The following NXPE2 variants were observed in gnomAD, a reference collection of about 807,000 sequenced individuals.
NXPE2 encodes the protein NXPE family member 2.
NXPE2 carries 34 observed loss-of-function variants against 34.4 expected under a neutral mutation model. The observed-to-expected ratio is 0.99, with a 90% CI of 0.75 to 1.31. The LOEUF (loss-of-function observed/expected upper bound fraction) is 1.31, where lower values mean the gene tolerates loss of function less well. Among genes scored for constraint, NXPE2 ranks in the 40% most tolerant of loss-of-function variants. NXPE2 has a pLI of 0.00. For synonymous variants in NXPE2, 235 were observed against 231.3 expected (o/e 1.02, Z -0.15); for missense variants, 649 against 672.5 (o/e 0.97, Z 0.39).
the NXPE2 span, among the ~76,000 whole-genome samples, chr11:114,636,352 C>G: frequency 2.0e-5 from 3 of 151,950 alleles, no homozygotes; most frequent in Admixed American, 1.3e-4. Flanking sequence ...ATTCTTCTCT[C>G]TTTTTTTCTT....
chr11:114,793,935 T>C, the NXPE2 span, among the ~76,000 whole-genome samples: 1 of 152,156 alleles, frequency 6.6e-6, no homozygotes, highest in Admixed American at 6.5e-5. Context: ...CAGAATCGGT[T>C]TCTTTGGCTT....
At chr11:114,774,499 G>A in the NXPE2 span, among the ~76,000 whole-genome samples, 3 of 152,326 alleles carry the variant, frequency 2.0e-5, no homozygotes, top group Admixed American at 6.5e-5. Flanking sequence ...TTGGTTATCC[G>A]CCGGGACGGT....
the NXPE2 span, among the ~76,000 whole-genome samples, chr11:114,639,861 A>ATATTAAATATAAAATATAATATATATTG: frequency 1.6e-5 from 1 of 62,626 alleles, no homozygotes; most frequent in Non-Finnish European, 2.8e-5. Context: ...AATATATATT[A>ATATTAAATATAAAATATAATATATATTG]TATTTTATAT....
At chr11:114,787,519 A>T in the NXPE2 span, among the ~76,000 whole-genome samples, 1 of 152,214 alleles carries the variant, frequency 6.6e-6, no homozygotes, top group Non-Finnish European at 1.5e-5. Flanking sequence ...ACCGTCTAAG[A>T]CGGATTTGAG....
the NXPE2 span, among the ~76,000 whole-genome samples, chr11:114,725,790 G>C: frequency 6.6e-6 from 1 of 151,390 alleles, no homozygotes; most frequent in Non-Finnish European, 1.5e-5. Flanking sequence ...TCTCAGTTCA[G>C]TTCTCTTCAT....
chr11:114,505,923 A>G, the NXPE2 span, among the ~76,000 whole-genome samples: 1 of 152,090 alleles, frequency 6.6e-6, no homozygotes. Flanking sequence ...AAGACACAAA[A>G]TGGCAAGCTG....
At chr11:114,700,214 C>T (rs75616280) in intron 3 of NXPE2, among the ~76,000 whole-genome samples, 2,568 of 152,250 alleles carry the variant, frequency 0.017, 79 homozygotes, top group African/African-American at 0.056. Flanking sequence ...TTGTCTTTTA[C>T]TATTTCCTCC....
At chr11:114,683,931 GAGTTACA>G (rs1413954386) in intron 2 of NXPE2, among the ~76,000 whole-genome samples, 1 of 62,552 alleles carries the variant, frequency 1.6e-5, no homozygotes, top group Non-Finnish European at 4.0e-5. Context: ...GTTTAACCAG[GAGTTACA>G]TGTTACATTC....
the NXPE2 span, among the ~76,000 whole-genome samples, chr11:114,650,695 A>AT: frequency 3.3e-5 from 5 of 152,298 alleles, no homozygotes; most frequent in South Asian, 4.1e-4. Context: ...TGCTACCATC[A>AT]TAAGTAGGGC....
At chr11:114,608,313 A>G in the NXPE2 span, among the ~76,000 whole-genome samples, 1 of 151,812 alleles carries the variant, frequency 6.6e-6, no homozygotes, top group Non-Finnish European at 1.5e-5. Flanking sequence ...CATCATGGGT[A>G]ACCAGTGTTA....
At chr11:114,730,598 G>A in the NXPE2 span, among the ~76,000 whole-genome samples, 9 of 152,046 alleles carry the variant, frequency 5.9e-5, no homozygotes, top group African/African-American at 2.2e-4. Flanking sequence ...AGTTCTTCTT[G>A]TAGAGGTCTT....
At chr11:114,579,598 G>A in the NXPE2 span, among the ~76,000 whole-genome samples, 1 of 152,236 alleles carries the variant, frequency 6.6e-6, no homozygotes, top group Middle Eastern at 3.4e-3. Flanking sequence ...TTACACCAAA[G>A]AGAAGTTATG....
chr11:114,597,979 G>T, the NXPE2 span, among the ~76,000 whole-genome samples: 1 of 152,126 alleles, frequency 6.6e-6, no homozygotes, highest in African/African-American at 2.4e-5. Flanking sequence ...GAAGTCCAAA[G>T]TCTCATTTGA....
intron 4 of NXPE2, 78 bp downstream of exon 4, chr11:114,704,130 C>T (rs981970949): frequency 9.5e-7 from 1 of 1,051,110 alleles, no homozygotes; most frequent in South Asian, 1.5e-5. Flanking sequence ...GATATTTATT[C>T]CACATTAACG....
chr11:114,499,441 ATATATT>A, the NXPE2 span, among the ~76,000 whole-genome samples: 1 of 152,118 alleles, frequency 6.6e-6, no homozygotes, highest in South Asian at 2.1e-4. Context: ...TTAAAAATGA[ATATATT>A]TAAGGCTATA....
At chr11:114,618,763 T>C in the NXPE2 span, among the ~76,000 whole-genome samples, 1 of 152,106 alleles carries the variant, frequency 6.6e-6, no homozygotes, top group African/African-American at 2.4e-5. Flanking sequence ...TAGCCACTGT[T>C]ATCTGGTGGA....
At chr11:114,758,965 A>G in the NXPE2 span, among the ~76,000 whole-genome samples, 13 of 151,876 alleles carry the variant, frequency 8.6e-5, no homozygotes, top group Non-Finnish European at 1.3e-4. Flanking sequence ...TCTACCCCCA[A>G]TTTTACCCCA....
chr11:114,630,877 A>G, the NXPE2 span, among the ~76,000 whole-genome samples: 2 of 151,900 alleles, frequency 1.3e-5, no homozygotes, highest in Non-Finnish European at 2.9e-5. Context: ...ATGAACAGAC[A>G]CTTCTTAAAA....
At chr11:114,724,204 G>C in the NXPE2 span, among the ~76,000 whole-genome samples, 1 of 152,158 alleles carries the variant, frequency 6.6e-6, no homozygotes, top group African/African-American at 2.4e-5. Context: ...GGGTGAGCCA[G>C]ATCTGAGACT....
Sources: gnomAD v4.1 joint callset for allele counts (sites outside exome capture counted in the v4.1 genomes callset) on GRCh38, gnomAD v4.1.1 for gene constraint, MANE v1.5 for transcripts, NCBI Gene and HGNC (gene_info 2026-07-23, HGNC 2026-07-21) for gene names.